Variants in ZNF804B observed in about 807,000 individuals in gnomAD.
ZNF804B encodes zinc finger protein 804B, also known as zinc finger 804B.
In ZNF804B, 80 loss-of-function variants were observed where a neutral mutation model predicts 101.4. The ratio of observed to expected loss-of-function variants is 0.79; its 90% CI spans 0.66 to 0.95. ZNF804B has a LOEUF of 0.95. ZNF804B is among the 40% of genes least tolerant of loss of function. The pLI, the probability that ZNF804B is intolerant of heterozygous loss-of-function variation, is 0.00. For synonymous variants in ZNF804B, 622 were observed against 558.8 expected (o/e 1.11, Z -1.59); for missense variants, 1,673 against 1,561.9 (o/e 1.07, Z -1.20).
chr7:88,834,221 TA>T (rs1455773297), intron 1 of ZNF804B, among the ~76,000 whole-genome samples: 1 of 151,912 alleles, frequency 6.6e-6, no homozygotes, highest in Non-Finnish European at 1.5e-5. Context: ...AGGTAACTAT[TA>T]TTTTAACCAA....
chr7:89,051,004 A>G (rs1388884571), intron 1 of ZNF804B, among the ~76,000 whole-genome samples: 2 of 152,038 alleles, frequency 1.3e-5, no homozygotes, highest in Non-Finnish European at 2.9e-5. Flanking sequence ...CATAAAATGT[A>G]TTATGGATAT....
intron 1 of ZNF804B, among the ~76,000 whole-genome samples, chr7:88,852,992 C>T (rs1791468732): frequency 6.6e-6 from 1 of 152,034 alleles, no homozygotes; most frequent in Non-Finnish European, 1.5e-5. Context: ...CATTTCTGTA[C>T]CAGAGGAGTG....
At chr7:88,871,752 T>C (rs551394285) in intron 1 of ZNF804B, among the ~76,000 whole-genome samples, 86 of 151,970 alleles carry the variant, frequency 5.7e-4, no homozygotes, top group African/African-American at 2.0e-3. Context: ...TCACCTGAGG[T>C]CAGGAGTTCG....
chr7:88,970,910 T>C (rs1393966517), intron 1 of ZNF804B, among the ~76,000 whole-genome samples: 2 of 150,332 alleles, frequency 1.3e-5, no homozygotes, highest in Non-Finnish European at 3.0e-5. Flanking sequence ...ATGGCACATG[T>C]ATACATATGT....
chr7:89,113,753 C>T (rs891415209), intron 1 of ZNF804B, among the ~76,000 whole-genome samples: 2 of 152,054 alleles, frequency 1.3e-5, no homozygotes, highest in African/African-American at 4.8e-5. Flanking sequence ...GAGATTGAGA[C>T]CATCCTGGCC....
At chr7:88,877,660 G>T (rs549176901) in intron 1 of ZNF804B, among the ~76,000 whole-genome samples, 1 of 152,052 alleles carries the variant, frequency 6.6e-6, no homozygotes, top group Admixed American at 6.6e-5. Context: ...CATAATAATA[G>T]TGTCTACCTC....
chr7:89,156,769 G>A (rs1049320062), intron 1 of ZNF804B, among the ~76,000 whole-genome samples: 2 of 152,092 alleles, frequency 1.3e-5, no homozygotes, highest in Non-Finnish European at 2.9e-5. Flanking sequence ...ATTTTGAAGT[G>A]TCTGTATGTT....
intron 1 of ZNF804B, among the ~76,000 whole-genome samples, chr7:88,862,153 G>GTA (rs1241230275): frequency 9.9e-5 from 15 of 152,110 alleles, no homozygotes; most frequent in Non-Finnish European, 1.8e-4. Flanking sequence ...GTAGACTAAA[G>GTA]GACATGTAGT....
At chr7:89,080,320 T>G (rs1411351952) in intron 1 of ZNF804B, among the ~76,000 whole-genome samples, 1 of 151,906 alleles carries the variant, frequency 6.6e-6, no homozygotes, top group Non-Finnish European at 1.5e-5. Context: ...TATCATTTGC[T>G]CATTTGCCTT....
At chr7:89,289,149 A>C (rs61385983) in intron 2 of ZNF804B, among the ~76,000 whole-genome samples, 5,591 of 139,698 alleles carry the variant, frequency 0.04, 316 homozygotes, top group African/African-American at 0.13. Flanking sequence ...AATCTATTAC[A>C]ATGGTAAGAA....
rs149248803 is a variant in ZNF804B at position 89,207,610 on chromosome 7, T to G, written c.109-10545T>G. Among the ~76,000 whole-genome samples, 5 of 152,344 alleles carry G rather than the reference T, an allele frequency of 3.3e-5. No homozygotes were observed. In the East Asian group the frequency reaches 9.7e-4, roughly 29 times the overall value. ...TAGTTGATGAACCCGTATTTATACA[T>G]TATTATTAGCAAAATCTACAGTTTA... On this transcript the variant is annotated intron_variant, in intron 1 of 3. Coordinates refer to ENST00000333190, the MANE Select transcript of ZNF804B (RefSeq NM_181646.5).
chr7:88,947,539 A>G (rs1418296418), intron 1 of ZNF804B, among the ~76,000 whole-genome samples: 1 of 151,562 alleles, frequency 6.6e-6, no homozygotes, highest in Non-Finnish European at 1.5e-5. Flanking sequence ...AGGGGAAGGG[A>G]GGGGTAGCAT....
chr7:88,905,920 T>C (rs1792464047), intron 1 of ZNF804B, among the ~76,000 whole-genome samples: 1 of 146,432 alleles, frequency 6.8e-6, no homozygotes, highest in South Asian at 2.1e-4. Flanking sequence ...TTGGGGTTGA[T>C]AGTTTTTTTT....
chr7:88,882,505 A>G (rs1351922657), intron 1 of ZNF804B, among the ~76,000 whole-genome samples: 1 of 152,196 alleles, frequency 6.6e-6, no homozygotes, highest in Admixed American at 6.6e-5. Context: ...CATTTGACCC[A>G]GCAATCTCAT....
At chr7:89,188,845 G>A (rs1457534182) in intron 1 of ZNF804B, among the ~76,000 whole-genome samples, 1 of 152,106 alleles carries the variant, frequency 6.6e-6, no homozygotes, top group Non-Finnish European at 1.5e-5. Flanking sequence ...GAAGCTAGGA[G>A]AGGGTAGTTC....
chr7:89,202,353 C>T (rs185447947), intron 1 of ZNF804B, among the ~76,000 whole-genome samples: 2 of 152,096 alleles, frequency 1.3e-5, no homozygotes, highest in Non-Finnish European at 1.5e-5. Context: ...ATTATAGCTA[C>T]AACTAGTGAT....
intron 2 of ZNF804B, among the ~76,000 whole-genome samples, chr7:89,253,807 A>C (rs1372447861): frequency 6.6e-6 from 1 of 152,158 alleles, no homozygotes; most frequent in South Asian, 2.1e-4. Flanking sequence ...CATCAATTTA[A>C]AAAATAAAAA....
intron 1 of ZNF804B, among the ~76,000 whole-genome samples, chr7:88,772,878 C>A (rs2718405): frequency 0.47 from 72,053 of 151,988 alleles, 20,564 homozygotes; most frequent in East Asian, 0.79. Flanking sequence ...ATAAGCAGAA[C>A]TACTTTATTT....
Position 89,334,610 on chromosome 7 carries a change from C to T in ZNF804B, c.1628C>T (p.Pro543Leu), listed in dbSNP as rs776283191. The change falls in exon 4 of 4, where the codon CCG (proline) becomes CTG (leucine). Residue 543 changes from proline to leucine, a missense_variant. Coordinates refer to ENST00000333190, the MANE Select transcript of ZNF804B (RefSeq NM_181646.5). ...AAACCAAAGACGATGATAGCTAATC[C>T]GGATTGGGAAAAATTCCAGAGGAAA... ...YPKPKTMIAN[P>L]DWEKFQRKYN... 2.7e-5 allele frequency: 43 copies of T among 1,613,510 alleles called. No homozygotes were observed. Among genetic ancestry groups the T allele is most frequent in the African/African-American group, 2.7e-5 (2 of 74,834 alleles).
Sources: gnomAD v4.1 joint callset for allele counts (sites outside exome capture counted in the v4.1 genomes callset) on GRCh38, gnomAD v4.1.1 for gene constraint, MANE v1.5 for transcripts, NCBI Gene and HGNC (gene_info 2026-07-23, HGNC 2026-07-21) for gene names.